Variants in KDELR1 observed in about 807,000 individuals in gnomAD.
KDELR1 encodes ER lumen protein-retaining receptor 1.
Under a neutral mutation model 25.5 loss-of-function variants are expected in KDELR1, and 16 were observed. The ratio of observed to expected loss-of-function variants is 0.63; its 90% confidence interval spans 0.43 to 0.95. The LOEUF is 0.95. KDELR1 is among the 40% of genes least tolerant of loss of function. KDELR1 has a pLI of 0.00. For missense variants in KDELR1, 159 were observed against 265.2 expected (o/e 0.60, Z 2.78); for synonymous variants, 121 against 115.0 (o/e 1.05, Z -0.33).
At chr19:48,388,611 G>T in intron 3 of KDELR1, among the ~76,000 whole-genome samples, 1 of 151,946 alleles carries the variant, frequency 6.6e-6, no homozygotes. Flanking sequence ...GCTTGAACCT[G>T]GGAGGTGGAG....
chr19:48,388,908 AAAGGAAAGAAAGAAAGAAAG>A (rs1348104976), intron 3 of KDELR1, among the ~76,000 whole-genome samples: 3 of 89,420 alleles, frequency 3.4e-5, no homozygotes, highest in Middle Eastern at 4.6e-3. Flanking sequence ...AGAAAGGAAG[AAAGGAAAGAAAGAAAGAAAG>A]AAGGAAAGAA....
intron 3 of KDELR1, among the ~76,000 whole-genome samples, chr19:48,386,370 C>A (rs1481534001): frequency 6.6e-6 from 1 of 151,750 alleles, no homozygotes; most frequent in Non-Finnish European, 1.5e-5. Flanking sequence ...ACCCACCTCA[C>A]CCTCCCAAAG....
Position 48,391,364 on chromosome 19 carries a change from G to A in KDELR1, c.-6C>T. On this transcript the variant is annotated 5_prime_UTR_variant, in exon 1 of 5. Transcript: ENST00000330720. ...AGGAATCGGAAGAGATTCATGGCTG[G>A]GGAACCCTGGCAGGGCTGAGCGGGA... 1 of 1,552,070 alleles carries A rather than the reference G, an allele frequency of 6.4e-7. No individual in the cohort carries two copies. The highest frequency in any genetic ancestry group is 1.2e-5 in the South Asian group (1 of 84,134).
intron 2 of KDELR1, among the ~76,000 whole-genome samples, 181 bp from the exon 3 acceptor site, chr19:48,389,892 CCAACCCCTCCTCCCT>C (rs1970528967): frequency 1.0e-4 from 13 of 125,200 alleles, no homozygotes; most frequent in African/African-American, 4.1e-4. Context: ...GTCCAGGCCC[CCAACCCCTCCTCCCT>C]CAGATCCAGG....
Position 48,383,137 on chromosome 19 carries a change from CCTCCA to C in KDELR1, c.*151_*155del. The stretch of plus-strand genomic sequence containing the variant: ...GTCCTGAGCTCCCCAAGACCTGGAT[CCTCCA>C]CTGTCCCCCTGAAACCCGGCAGGAG... On this transcript the variant is annotated 3_prime_UTR_variant, in exon 5 of 5. Coordinates refer to ENST00000330720, the MANE Select transcript of KDELR1 (RefSeq NM_006801.3). 2 of 739,474 alleles carry C rather than the reference CCTCCA, an allele frequency of 2.7e-6. No homozygotes were observed. Among genetic ancestry groups the C allele is most frequent in the Non-Finnish European group, 4.6e-6 (2 of 439,264 alleles). 45.8% of individuals were successfully genotyped at this position (739,474 alleles called of 1,614,324 possible).
intron 1 of KDELR1, 40 bp from the exon 2 acceptor site, chr19:48,390,564 A>G (rs1454918311): frequency 1.3e-6 from 1 of 750,134 alleles, no homozygotes; most frequent in Middle Eastern, 3.1e-4. Flanking sequence ...AGAGAGAGAC[A>G]GAGAGAGAGA....
intron 3 of KDELR1, among the ~76,000 whole-genome samples, chr19:48,388,953 A>T (rs1970519818): frequency 6.6e-6 from 1 of 152,008 alleles, no homozygotes; most frequent in African/African-American, 2.4e-5. Context: ...AGAAAAAAGA[A>T]ACTAGCAGAT....
chr19:48,395,758 G>A (rs1345893962), upstream of KDELR1, among the ~76,000 whole-genome samples: 1 of 152,082 alleles, frequency 6.6e-6, no homozygotes, highest in Non-Finnish European at 1.5e-5. Flanking sequence ...CCAGGATGTT[G>A]GGAAGGATAG....
the KDELR1 span, among the ~76,000 whole-genome samples, chr19:48,396,735 G>A: frequency 1.3e-5 from 2 of 151,966 alleles, no homozygotes; most frequent in African/African-American, 2.4e-5. Context: ...GAGGGGACGG[G>A]CTGTGGCCTC....
chr19:48,394,226 G>A (rs1264451151), upstream of KDELR1, among the ~76,000 whole-genome samples: 1 of 152,020 alleles, frequency 6.6e-6, no homozygotes, highest in Non-Finnish European at 1.5e-5. This position sits in a 1 kb window ranked among gnomAD's most constrained non-coding sequence, Gnocchi z 5.1. Flanking sequence ...AGCTCTGGGG[G>A]TGTTGAGGGG....
chr19:48,396,950 T>C, the KDELR1 span, among the ~76,000 whole-genome samples: 1 of 152,058 alleles, frequency 6.6e-6, no homozygotes, highest in Non-Finnish European at 1.5e-5. Flanking sequence ...AGTGCCCTCC[T>C]CCCTCAGTCC....
chr19:48,384,486 CAG>C lies in KDELR1; in HGVS notation c.352-6_352-5del, dbSNP rs1491533176. The C allele has an allele frequency of 2.7e-5, 44 of 1,611,178 alleles. No homozygotes were observed. In the Admixed American group the frequency reaches 3.9e-4, roughly 14 times the overall value. On this transcript the variant is annotated splice_polypyrimidine_tract_variant and splice_region_variant and intron_variant, in intron 3 of 4. Transcript: ENST00000330720. The surrounding 1 kb of genome is among the most constrained non-coding windows in gnomAD (Gnocchi z 4.6). ...AGATGGAGAAGGTCCAGAGGATCTG[CAG>C]AGAGGCCGGGGACATGATGAGGTGG...
At chr19:48,387,274 G>A (rs796154913) in intron 3 of KDELR1, among the ~76,000 whole-genome samples, 25 of 152,138 alleles carry the variant, frequency 1.6e-4, no homozygotes, top group African/African-American at 5.8e-4. Context: ...CCAGGGCCTG[G>A]AGCCAAGCCC....
chr19:48,393,849 G>C (rs775911375), upstream of KDELR1, among the ~76,000 whole-genome samples: 170 of 152,120 alleles, frequency 1.1e-3, no homozygotes, highest in Non-Finnish European at 4.7e-4. The surrounding 1 kb of genome is among the most constrained non-coding windows in gnomAD (Gnocchi z 5.6). Context: ...GGGGTCTCTC[G>C]AGCGTCTGCC....
At position 48,384,822 on chromosome 19, in the gene KDELR1, T is replaced by A. The variant is rs1407565654; in HGVS notation, c.352-340A>T. Among the ~76,000 whole-genome samples, 1 of 152,076 alleles carries A rather than the reference T, an allele frequency of 6.6e-6. No individual in the cohort carries two copies. Among genetic ancestry groups the A allele is most frequent in the Non-Finnish European group, 1.5e-5 (1 of 68,020 alleles). Reference sequence around the variant, plus strand: ...GTCCGTTCTCATGAACACTTTGCAATTGCGCCTCTCTGAAAGGCAGGCTGG... The same window carrying A: ...GTCCGTTCTCATGAACACTTTGCAAATGCGCCTCTCTGAAAGGCAGGCTGG... On this transcript the variant is annotated intron_variant, in intron 3 of 4. Transcript: ENST00000330720. The surrounding 1 kb of genome is among the most constrained non-coding windows in gnomAD (Gnocchi z 4.6).
chr19:48,391,492 G>T lies in KDELR1; in HGVS notation c.-134C>A, dbSNP rs1970552299. 1.5e-6 allele frequency: 1 copy of T among 679,488 alleles called. No individual in the cohort carries two copies. Among genetic ancestry groups the T allele is most frequent in the Non-Finnish European group, 2.5e-6 (1 of 394,690 alleles). 42.1% of individuals were successfully genotyped at this position (679,488 alleles called of 1,614,324 possible). A position where few individuals can be genotyped will look rare whatever the true frequency, so the allele number is the denominator to read the frequency against. The stretch of plus-strand genomic sequence containing the variant: ...GACCCTAGGTGCGCTCCGCTCCGGG[G>T]AGGGGACTTTGGGAGGGGGAGCAAA... On this transcript the variant is annotated 5_prime_UTR_variant, in exon 1 of 5. Transcript: ENST00000330720.
chr19:48,387,586 G>A (rs1970506421), intron 3 of KDELR1, among the ~76,000 whole-genome samples: 1 of 151,682 alleles, frequency 6.6e-6, no homozygotes, highest in Non-Finnish European at 1.5e-5. Flanking sequence ...GGAGGCTGAG[G>A]CAGGAGAAAC....
At chr19:48,388,309 A>G (rs138941056) in intron 3 of KDELR1, among the ~76,000 whole-genome samples, 2 of 152,300 alleles carry the variant, frequency 1.3e-5, no homozygotes, top group African/African-American at 4.8e-5. Context: ...AATTCTCACA[A>G]TGACCTGATC....
Position 48,383,251 on chromosome 19 carries a change from G to A in KDELR1, c.*42C>T, listed in dbSNP as rs1192892842. 3 of 1,547,454 alleles carry A rather than the reference G, an allele frequency of 1.9e-6. No homozygotes were observed. The highest frequency in any genetic ancestry group is 2.6e-6 in the Non-Finnish European group (3 of 1,143,352). Reference sequence around the variant, plus strand: ...TCTTCATCTTCTGCCGCCTTCCTCTGCCTCCCGCTGCTGCCGAGGAGAGAG... The same window carrying A: ...TCTTCATCTTCTGCCGCCTTCCTCTACCTCCCGCTGCTGCCGAGGAGAGAG... On this transcript the variant is annotated 3_prime_UTR_variant, in exon 5 of 5. Coordinates refer to ENST00000330720, the MANE Select transcript of KDELR1 (RefSeq NM_006801.3).
Sources: allele counts gnomAD v4.1 joint callset (sites outside exome capture counted in the v4.1 genomes callset), GRCh38; gene constraint gnomAD v4.1.1; non-coding constraint Gnocchi (gnomAD v3.1); transcripts MANE v1.5; gene names NCBI Gene and HGNC (gene_info 2026-07-23, HGNC 2026-07-21).